LRMDA: variants seen among roughly 807,000 people sequenced by gnomAD.
LRMDA encodes leucine rich melanocyte differentiation associated.
In LRMDA, 18 loss-of-function variants were observed where a neutral mutation model predicts 29.8. The observed-to-expected ratio is 0.60, with a 90% CI of 0.42 to 0.90. The LOEUF (loss-of-function observed/expected upper bound fraction) is 0.90, where lower values mean the gene tolerates loss of function less well. Among genes scored for constraint, LRMDA ranks in the 40% least tolerant of loss-of-function variants. LRMDA has a pLI of 0.00. For synonymous variants in LRMDA, 125 were observed against 109.4 expected (o/e 1.14, Z -0.89); for missense variants, 273 against 273.9 (o/e 1.00, Z 0.02).
Position 75,816,386 on chromosome 10 carries a change from G to A in LRMDA, c.132-219622G>A, listed in dbSNP as rs1369069714. ...AGACTAGTGACTGCCATGTTGTGCT[G>A]TGAGCCCAGAGAAGACGAGCATCCT... On this transcript the variant is annotated intron_variant, in intron 2 of 6. Coordinates refer to ENST00000611255, the MANE Select transcript of LRMDA (RefSeq NM_001305581.2). 2.6e-5 allele frequency among the ~76,000 whole-genome samples: 4 copies of A among 152,136 alleles called. No individual in the cohort carries two copies. In the South Asian group the frequency reaches 6.2e-4, roughly 24 times the overall value.
At chr10:75,526,055 ATTTATTTATTATTTTCATTTCTT>A (rs1365610987) in intron 2 of LRMDA, among the ~76,000 whole-genome samples, 2 of 151,006 alleles carry the variant, frequency 1.3e-5, no homozygotes, top group Admixed American at 1.3e-4. Flanking sequence ...TATTTTATTT[ATTTATTTATTATTTTCATTTCTT>A]TTTTAGAGAT....
intron 2 of LRMDA, among the ~76,000 whole-genome samples, chr10:75,496,726 G>A (rs1845048635): frequency 6.6e-6 from 1 of 152,168 alleles, no homozygotes; most frequent in South Asian, 2.1e-4. Context: ...CGGAAGTGCA[G>A]TTGAAGAGGA....
At chr10:75,870,397 C>T (rs953295784) in intron 2 of LRMDA, among the ~76,000 whole-genome samples, 10 of 152,144 alleles carry the variant, frequency 6.6e-5, no homozygotes, top group Non-Finnish European at 1.2e-4. Flanking sequence ...TTATGTACGA[C>T]ATTTGGGAGA....
intron 6 of LRMDA, among the ~76,000 whole-genome samples, chr10:76,501,382 G>A (rs1332065550): frequency 1.3e-5 from 2 of 151,882 alleles, no homozygotes; most frequent in Non-Finnish European, 2.9e-5. Flanking sequence ...TCTTCTGGGT[G>A]TATACCCAGT....
intron 2 of LRMDA, among the ~76,000 whole-genome samples, chr10:75,742,018 A>G (rs942071946): frequency 6.6e-6 from 1 of 152,244 alleles, no homozygotes; most frequent in Non-Finnish European, 1.5e-5. Context: ...GGATCAGGCC[A>G]TGCCGGCACC....
At chr10:75,681,844 C>T (rs1474024110) in intron 2 of LRMDA, among the ~76,000 whole-genome samples, 1 of 152,196 alleles carries the variant, frequency 6.6e-6, no homozygotes, top group Non-Finnish European at 1.5e-5. Context: ...TTTATCTCAT[C>T]ATCATCATGT....
chr10:76,005,846 C>T (rs1466769292), intron 2 of LRMDA, among the ~76,000 whole-genome samples: 8 of 151,832 alleles, frequency 5.3e-5, no homozygotes, highest in African/African-American at 1.9e-4. Context: ...AGGAGAATGG[C>T]GTGAACCCGG....
At chr10:76,200,714 CTT>C (rs545738244) in intron 5 of LRMDA, among the ~76,000 whole-genome samples, 3 of 142,732 alleles carry the variant, frequency 2.1e-5, no homozygotes, top group Non-Finnish European at 3.1e-5. Flanking sequence ...TTTTCTTTTT[CTT>C]TTTTTTTTTT....
intron 6 of LRMDA, among the ~76,000 whole-genome samples, chr10:76,521,132 A>ATTTT (rs11286208): frequency 8.7e-6 from 1 of 114,664 alleles, no homozygotes; most frequent in African/African-American, 3.2e-5. Flanking sequence ...CATTATTACC[A>ATTTT]TTTTTTTTTT....
intron 6 of LRMDA, among the ~76,000 whole-genome samples, chr10:76,474,520 A>C (rs943547303): frequency 6.6e-6 from 1 of 151,658 alleles, no homozygotes; most frequent in Non-Finnish European, 1.5e-5. Flanking sequence ...CCTATAACTC[A>C]ATAATAAAAA....
chr10:75,806,116 C>T (rs1403018809), intron 2 of LRMDA, among the ~76,000 whole-genome samples: 2 of 152,090 alleles, frequency 1.3e-5, no homozygotes, highest in Non-Finnish European at 2.9e-5. Flanking sequence ...GGGTACCACA[C>T]ACTTAAACCA....
chr10:75,580,323 T>G (rs1379912194), intron 2 of LRMDA, among the ~76,000 whole-genome samples: 1 of 152,152 alleles, frequency 6.6e-6, no homozygotes, highest in African/African-American at 2.4e-5. Context: ...CATTCACAAC[T>G]GCTACAAAGA....
intron 6 of LRMDA, among the ~76,000 whole-genome samples, chr10:76,413,563 G>T (rs1162471759): frequency 6.6e-6 from 1 of 151,912 alleles, no homozygotes; most frequent in Non-Finnish European, 1.5e-5. Flanking sequence ...ATCTCCCACC[G>T]GGTCCCTCCC....
intron 2 of LRMDA, among the ~76,000 whole-genome samples, chr10:76,009,837 C>G (rs561781892): frequency 6.6e-6 from 1 of 152,140 alleles, no homozygotes; most frequent in East Asian, 1.9e-4. Flanking sequence ...GAGCAACCCC[C>G]CTCACTGCCT....
At chr10:75,934,668 C>G (rs778741734) in intron 2 of LRMDA, among the ~76,000 whole-genome samples, 1 of 152,062 alleles carries the variant, frequency 6.6e-6, no homozygotes, top group Non-Finnish European at 1.5e-5. Context: ...AGGTACCACT[C>G]GGCCAGCAGG....
chr10:76,198,584 CT>C (rs898274642), intron 5 of LRMDA, among the ~76,000 whole-genome samples: 9 of 152,136 alleles, frequency 5.9e-5, no homozygotes, highest in African/African-American at 2.2e-4. Flanking sequence ...ACTTACAGGT[CT>C]TTGCATCGCC....
intron 6 of LRMDA, among the ~76,000 whole-genome samples, chr10:76,373,888 A>G (rs2132461890): frequency 6.6e-6 from 1 of 152,304 alleles, no homozygotes; most frequent in African/African-American, 2.4e-5. Context: ...TGGCTTTAGT[A>G]CTCAGAGTCC....
intron 2 of LRMDA, among the ~76,000 whole-genome samples, chr10:75,788,299 C>A (rs1040530275): frequency 1.5e-4 from 23 of 152,244 alleles, no homozygotes; most frequent in Non-Finnish European, 3.2e-4. Context: ...TTCCTGAGGT[C>A]AACAGAGACA....
At chr10:75,552,438 G>C in intron 2 of LRMDA, 1 of 284,618 alleles carries the variant, frequency 3.5e-6, no homozygotes, top group Non-Finnish European at 7.7e-6. Context: ...CCCCCCTCTG[G>C]CTGCTTTCAG....
Sources: gnomAD v4.1 joint callset for allele counts (sites outside exome capture counted in the v4.1 genomes callset) on GRCh38, gnomAD v4.1.1 for gene constraint, MANE v1.5 for transcripts, NCBI Gene and HGNC (gene_info 2026-07-23, HGNC 2026-07-21) for gene names.